The following MAP4 variants were observed in gnomAD, a reference collection of about 807,000 sequenced individuals.
MAP4 encodes microtubule associated protein 4.
Under a neutral mutation model 170.2 loss-of-function variants are expected in MAP4, and 76 were observed. The observed-to-expected ratio is 0.45, with a 90% CI of 0.37 to 0.54. MAP4 has a LOEUF of 0.54. Among genes scored for constraint, MAP4 ranks in the 20% least tolerant of loss-of-function variants. The pLI is 0.00. For missense variants in MAP4, 2,506 were observed against 2,748.0 expected (o/e 0.91, Z 1.97); for synonymous variants, 909 against 994.5 (o/e 0.91, Z 1.62).
At chr3:47,857,576 CTACCTTTTAAATCT>C in intron 17 of MAP4, 64 bp from the exon 18 acceptor site, 1 of 1,100,110 alleles carries the variant, frequency 9.1e-7, no homozygotes, top group Middle Eastern at 2.0e-4. Flanking sequence ...CAACCCCATG[CTACCTTTTAAATCT>C]TCTCCATGTT....
chr3:48,055,653 G>T (rs1309824512), intron 1 of MAP4, among the ~76,000 whole-genome samples: 25 of 98,592 alleles, frequency 2.5e-4, no homozygotes, highest in Non-Finnish European at 4.2e-4. Flanking sequence ...GAGTGTCTCT[G>T]CCTGGCCGCC....
At chr3:47,895,914 A>G (rs759363597) in intron 10 of MAP4, among the ~76,000 whole-genome samples, 17 of 151,780 alleles carry the variant, frequency 1.1e-4, no homozygotes, top group Admixed American at 2.0e-4. Flanking sequence ...CTGAAAAAAT[A>G]TAATTATGAG....
chr3:47,859,516 C>T (rs1247292599), intron 17 of MAP4, among the ~76,000 whole-genome samples: 1 of 152,236 alleles, frequency 6.6e-6, no homozygotes, highest in Non-Finnish European at 1.5e-5. Context: ...TAAAACTTGG[C>T]TCATGCCTAA....
intron 5 of MAP4, 91 bp from the exon 6 acceptor site, chr3:47,918,932 G>T: frequency 2.6e-6 from 3 of 1,173,728 alleles, no homozygotes; most frequent in Non-Finnish European, 3.6e-6. Context: ...GTTTTGTTTT[G>T]TTTGTTTTTT....
At chr3:47,891,709 T>A (rs1301413514) in intron 10 of MAP4, 2 of 1,536,660 alleles carry the variant, frequency 1.3e-6, no homozygotes, top group Admixed American at 3.9e-5. Flanking sequence ...CATTCAAATG[T>A]TCCTGGGTGA....
intron 1 of MAP4, among the ~76,000 whole-genome samples, chr3:48,001,101 G>A (rs1432485035): frequency 6.6e-6 from 1 of 152,132 alleles, no homozygotes; most frequent in African/African-American, 2.4e-5. Flanking sequence ...GTGGCACAGA[G>A]GCTTAAGAAT....
intron 1 of MAP4, among the ~76,000 whole-genome samples, chr3:48,024,995 C>T (rs1171624381): frequency 6.6e-6 from 1 of 151,852 alleles, no homozygotes; most frequent in African/African-American, 2.4e-5. Context: ...CTCTGGTGTC[C>T]AGGCTCGAGT....
At chr3:47,969,349 T>C (rs1411404646) in intron 3 of MAP4, among the ~76,000 whole-genome samples, 1 of 149,606 alleles carries the variant, frequency 6.7e-6, no homozygotes, top group Admixed American at 6.8e-5. Context: ...GAGGTTGCAG[T>C]GAGCCAAGAT....
At chr3:48,057,704 G>C (rs2100132995) in intron 1 of MAP4, among the ~76,000 whole-genome samples, 1 of 150,710 alleles carries the variant, frequency 6.6e-6, no homozygotes, top group Admixed American at 6.6e-5. Context: ...GTACTCCTAG[G>C]CAAACTGCCG....
intron 3 of MAP4, chr3:47,974,870 C>A (rs2100081069): frequency 1.0e-6 from 1 of 966,634 alleles, no homozygotes; most frequent in African/African-American, 1.8e-5. Context: ...CTTAAAATAT[C>A]TATCATTATT....
intron 8 of MAP4, among the ~76,000 whole-genome samples, chr3:47,912,831 C>G (rs547800907): frequency 6.6e-6 from 1 of 152,210 alleles, no homozygotes; most frequent in East Asian, 1.9e-4. Flanking sequence ...TTATTAATTG[C>G]TTCAGTTAAA....
At chr3:48,033,610 A>T (rs1460690704) in intron 1 of MAP4, among the ~76,000 whole-genome samples, 2 of 151,608 alleles carry the variant, frequency 1.3e-5, no homozygotes, top group African/African-American at 2.4e-5. Context: ...TTTATTTTTA[A>T]TTTTTTTGAA....
intron 1 of MAP4, among the ~76,000 whole-genome samples, chr3:47,999,448 T>C (rs957816954): frequency 6.6e-6 from 1 of 151,922 alleles, no homozygotes; most frequent in African/African-American, 2.4e-5. Context: ...TGTAGTCACG[T>C]ATATTACCAT....
intron 1 of MAP4, among the ~76,000 whole-genome samples, chr3:48,030,994 A>G (rs1047355587): frequency 1.3e-5 from 2 of 152,118 alleles, no homozygotes; most frequent in Non-Finnish European, 2.9e-5. Flanking sequence ...ATAACCCTTC[A>G]TCCTTTACAT....
In MAP4 at chr3:48,016,360, A is replaced by C. The variant is rs1035924643; in HGVS notation, c.-46T>G. The C allele has an allele frequency of 6.6e-6, 1 of 152,210 alleles. No individual in the cohort carries two copies. Among genetic ancestry groups the C allele is most frequent in the African/African-American group, 2.4e-5 (1 of 41,452 alleles). 9.4% of individuals were successfully genotyped at this position (152,210 alleles called of 1,614,324 possible). The stretch of plus-strand genomic sequence containing the variant: ...GGAACTATCCAGGCAGCTTGTGTTC[A>C]GTCCTGACTAAATGCATTTTGGATC... On this transcript the variant is annotated 5_prime_UTR_variant, in exon 1 of 21. Coordinates refer to ENST00000683076, the MANE Select transcript of MAP4 (RefSeq NM_001385682.1).
intron 3 of MAP4, among the ~76,000 whole-genome samples, chr3:47,968,477 A>C (rs1197226368): frequency 6.6e-6 from 1 of 152,168 alleles, no homozygotes; most frequent in African/African-American, 2.4e-5. Flanking sequence ...AAATTAACAC[A>C]CTCCTAAATA....
intron 9 of MAP4, among the ~76,000 whole-genome samples, chr3:47,905,211 G>A (rs1053649907): frequency 2.0e-5 from 3 of 152,084 alleles, no homozygotes; most frequent in Non-Finnish European, 4.4e-5. Flanking sequence ...CTCTCCCTAC[G>A]ATAAGCTAGA....
intron 3 of MAP4, among the ~76,000 whole-genome samples, chr3:47,953,284 A>G (rs2100065654): frequency 6.6e-6 from 1 of 152,148 alleles, no homozygotes; most frequent in African/African-American, 2.4e-5. Context: ...TAATCTCAGC[A>G]GGGGGGCCAA....
rs549880108 is a variant in MAP4, at chr3:47,889,918, AAT to A, written c.5435-12397_5435-12396del. On this transcript the variant is annotated intron_variant, in intron 10 of 20. Coordinates refer to ENST00000683076, the MANE Select transcript of MAP4 (RefSeq NM_001385682.1). ...TTTTTTATCTCCATAAAAAACAAAAAATGTTTTTTATCTCCATAAAAAAAAAA... is the reference window on the plus strand; with the variant it reads ...TTTTTTATCTCCATAAAAAACAAAAAGTTTTTTATCTCCATAAAAAAAAAA... Among the ~76,000 whole-genome samples, 19 of 151,872 alleles carry A rather than the reference AAT, an allele frequency of 1.3e-4. No homozygotes were observed. The South Asian group carries it at 3.7e-3, about 30-fold the overall frequency.
Sources: gnomAD v4.1 joint callset for allele counts (sites outside exome capture counted in the v4.1 genomes callset) on GRCh38, gnomAD v4.1.1 for gene constraint, MANE v1.5 for transcripts, NCBI Gene and HGNC (gene_info 2026-07-23, HGNC 2026-07-21) for gene names.